The following ACVR1 variants were observed in gnomAD, a reference collection of about 807,000 sequenced individuals.
ACVR1 encodes the protein activin receptor type-1.
In ACVR1, 38 loss-of-function variants were observed where a neutral mutation model predicts 57.1. The observed-to-expected ratio is 0.67, with a 90% CI of 0.51 to 0.87. ACVR1 has a LOEUF of 0.87. Ranked by LOEUF, ACVR1 falls within the 40% of genes least tolerant of loss-of-function variation. The probability of loss-of-function intolerance (pLI) is 0.00; values close to 1 mark genes in which losing one functional copy is unlikely to be tolerated. For synonymous variants in ACVR1, 212 were observed against 228.1 expected, an observed-to-expected ratio of 0.93 and a Z score of 0.63; for missense variants, 463 against 638.2, an observed-to-expected ratio of 0.73 and a Z score of 2.96.
intron 10 of ACVR1, 110 bp from the exon 11 acceptor site, chr2:157,737,775 A>C (rs1174049900): frequency 1.4e-6 from 2 of 1,400,058 alleles, no homozygotes; most frequent in Non-Finnish European, 2.0e-6. Context: ...GTCTTGTGAA[A>C]TTAGAGTTAT....
At chr2:157,828,449 CAAAAAAA>C (rs369753645) in intron 1 of ACVR1, among the ~76,000 whole-genome samples, 4 of 84,270 alleles carry the variant, frequency 4.7e-5, no homozygotes, top group East Asian at 3.5e-4. Flanking sequence ...GACTCCGTCT[CAAAAAAA>C]AAAAAAAAAA....
chr2:157,801,690 C>T (rs570272937), intron 2 of ACVR1, among the ~76,000 whole-genome samples: 47 of 152,168 alleles, frequency 3.1e-4, no homozygotes, highest in African/African-American at 1.1e-3. Context: ...AATATTTTAT[C>T]CTTATTTAAT....
intron 1 of ACVR1, among the ~76,000 whole-genome samples, chr2:157,818,944 G>A (rs1688048925): frequency 1.3e-5 from 2 of 150,296 alleles, no homozygotes; most frequent in African/African-American, 2.4e-5. Context: ...CGGGCGTAGT[G>A]GCGGGCGCCT....
At position 157,765,773 on chromosome 2, in the gene ACVR1, GGTGGGTATAAAGGT is replaced by G. The variant is rs1437464523; in HGVS notation, c.1066+134_1066+147del. The G allele has an allele frequency of 5.7e-5, 40 of 705,730 alleles. No homozygotes were observed. The Admixed American group carries it at 9.8e-4, about 17-fold the overall frequency. 43.7% of individuals were successfully genotyped at this position (705,730 alleles called of 1,614,324 possible). On this transcript the variant is annotated intron_variant, in intron 8 of 10. Transcript: ENST00000434821. ...AAAATGTTAATGTGAGAATCTATGT[GGTGGGTATAAAGGT>G]GTTCATTGTAAATGTTCAACTTTTC...
chr2:157,799,847 C>A (rs922890150), intron 2 of ACVR1, among the ~76,000 whole-genome samples: 1 of 152,088 alleles, frequency 6.6e-6, no homozygotes, highest in African/African-American at 2.4e-5. Flanking sequence ...CCATTGAATG[C>A]AAAATTGGTA....
At chr2:157,738,679 C>T in intron 9 of ACVR1, 109 bp from the exon 10 acceptor site, 1 of 1,534,462 alleles carries the variant, frequency 6.5e-7, no homozygotes. Context: ...AAATACTAAT[C>T]ACCTTCCTCA....
At position 157,736,820 on chromosome 2, in the gene ACVR1, T is replaced by G. The variant is rs550878134; in HGVS notation, c.*711A>C. 5.8e-6 allele frequency: 2 copies of G among 343,364 alleles called. No individual in the cohort carries two copies. The highest frequency in any genetic ancestry group is 1.1e-5 in the Non-Finnish European group (2 of 187,264). The allele number at this position is 343,364 out of a possible 1,614,324, so 21.3% of individuals were successfully genotyped here. On this transcript the variant is annotated 3_prime_UTR_variant, in exon 11 of 11. Transcript: ENST00000434821. ...TCTGTAATAAAATCATAAGACCACA[T>G]AAAAATAAGCTTTAACATATGCACA...
chr2:157,774,220 T>C (rs1179164192), intron 5 of ACVR1, 33 bp from the exon 6 acceptor site: 11 of 1,552,022 alleles, frequency 7.1e-6, no homozygotes, highest in South Asian at 6.7e-5. Flanking sequence ...AAAGAAACGA[T>C]TGAGCAATAT....
At chr2:157,814,157 T>C (rs1363716737) in intron 2 of ACVR1, among the ~76,000 whole-genome samples, 1 of 152,188 alleles carries the variant, frequency 6.6e-6, no homozygotes, top group African/African-American at 2.4e-5. Context: ...TATATAAAAT[T>C]TGTAATAACC....
intron 1 of ACVR1, among the ~76,000 whole-genome samples, chr2:157,857,990 T>C (rs1258291072): frequency 6.6e-6 from 1 of 151,924 alleles, no homozygotes; most frequent in African/African-American, 2.4e-5. Flanking sequence ...AACCCATATT[T>C]ATTCCCTAAG....
At chr2:157,860,963 C>T (rs969281326) in intron 1 of ACVR1, among the ~76,000 whole-genome samples, 1 of 152,162 alleles carries the variant, frequency 6.6e-6, no homozygotes, top group African/African-American at 2.4e-5. Flanking sequence ...TCACTGCTGA[C>T]CCAAGGACCA....
intron 9 of ACVR1, among the ~76,000 whole-genome samples, chr2:157,744,714 G>T (rs1453018826): frequency 6.6e-6 from 1 of 152,196 alleles, no homozygotes; most frequent in Non-Finnish European, 1.5e-5. Context: ...CAATATTTGG[G>T]TTACTTCACC....
At chr2:157,795,526 AT>A (rs1020565827) in intron 3 of ACVR1, among the ~76,000 whole-genome samples, 2 of 151,846 alleles carry the variant, frequency 1.3e-5, no homozygotes, top group African/African-American at 4.8e-5. Flanking sequence ...TGGATATTCC[AT>A]TTTTTTAAAA....
chr2:157,779,941 T>C (rs936645727), intron 4 of ACVR1, among the ~76,000 whole-genome samples: 1 of 152,148 alleles, frequency 6.6e-6, no homozygotes, highest in East Asian at 1.9e-4. Context: ...ACCAGTCCGT[T>C]CTGTTTTCCT....
At chr2:157,863,073 A>C (rs1689780400) in intron 1 of ACVR1, among the ~76,000 whole-genome samples, 2 of 117,182 alleles carry the variant, frequency 1.7e-5, no homozygotes, top group African/African-American at 6.7e-5. Context: ...CCAGGCTGGA[A>C]TGCGGTGGTG....
chr2:157,866,543 T>C (rs1035176117), intron 1 of ACVR1, among the ~76,000 whole-genome samples: 4 of 152,222 alleles, frequency 2.6e-5, no homozygotes, highest in Non-Finnish European at 5.9e-5. Context: ...CTCTGGCATT[T>C]TTTTCCCCAT....
chr2:157,746,997 T>A (rs982812688), intron 9 of ACVR1, among the ~76,000 whole-genome samples: 6 of 152,166 alleles, frequency 3.9e-5, no homozygotes, highest in African/African-American at 1.4e-4. Context: ...AAATGCAACA[T>A]ATTTTTATGC....
At chr2:157,741,856 G>C (rs1684785525) in intron 9 of ACVR1, among the ~76,000 whole-genome samples, 1 of 152,116 alleles carries the variant, frequency 6.6e-6, no homozygotes, top group African/African-American at 2.4e-5. Flanking sequence ...GCACAGGTAA[G>C]CCTTCCAGGA....
At chr2:157,873,322 A>T (rs1268143803) in intron 1 of ACVR1, among the ~76,000 whole-genome samples, 2 of 152,208 alleles carry the variant, frequency 1.3e-5, no homozygotes, top group Non-Finnish European at 2.9e-5. Flanking sequence ...AATAAGACAT[A>T]TGGTGTTTGT....
Sources: gnomAD v4.1 joint callset for allele counts (sites outside exome capture counted in the v4.1 genomes callset) on GRCh38, gnomAD v4.1.1 for gene constraint, MANE v1.5 for transcripts, NCBI Gene and HGNC (gene_info 2026-07-23, HGNC 2026-07-21) for gene names.